SYT9: variants seen among roughly 807,000 people sequenced by gnomAD.
SYT9 encodes synaptotagmin-9.
Under a neutral mutation model 48.4 loss-of-function variants are expected in SYT9, and 22 were observed. The ratio of observed to expected loss-of-function variants is 0.45; its 90% CI spans 0.32 to 0.65. The LOEUF is 0.65. Ranked by LOEUF, SYT9 falls within the 30% of genes least tolerant of loss-of-function variation. The pLI, the probability that SYT9 is intolerant of heterozygous loss-of-function variation, is 0.03. For missense variants in SYT9, 577 were observed against 622.0 expected, an observed-to-expected ratio of 0.93 and a Z score of 0.77; for synonymous variants, 265 against 245.0, an observed-to-expected ratio of 1.08 and a Z score of -0.76.
intron 6 of SYT9, among the ~76,000 whole-genome samples, chr11:7,461,681 T>G (rs996551719): frequency 2.0e-5 from 3 of 152,238 alleles, no homozygotes; most frequent in Admixed American, 2.0e-4. Context: ...CATAACTTTG[T>G]TTTCTTAGGG....
chr11:7,463,778 T>C (rs1206748726), intron 6 of SYT9, among the ~76,000 whole-genome samples: 1 of 152,174 alleles, frequency 6.6e-6, no homozygotes, highest in Non-Finnish European at 1.5e-5. Context: ...AGTGAAGGGC[T>C]GCACCTTAAG....
intron 3 of SYT9, among the ~76,000 whole-genome samples, chr11:7,395,154 A>T (rs1212821980): frequency 4.6e-5 from 7 of 152,070 alleles, no homozygotes; most frequent in African/African-American, 1.7e-4. Context: ...GCAGTCTCTT[A>T]TCCCTCACCC....
chr11:7,247,690 A>G (rs1444423738), upstream of SYT9, among the ~76,000 whole-genome samples: 1 of 149,018 alleles, frequency 6.7e-6, no homozygotes, highest in African/African-American at 2.5e-5. Flanking sequence ...GTGTGTATAT[A>G]TATATATATA....
At chr11:7,464,484 T>G (rs1376727858) in intron 6 of SYT9, among the ~76,000 whole-genome samples, 6 of 152,208 alleles carry the variant, frequency 3.9e-5, no homozygotes. Flanking sequence ...TGTGGCCTTG[T>G]GCAAATTAGT....
chr11:7,385,208 A>G (rs1850634457), intron 3 of SYT9, among the ~76,000 whole-genome samples: 1 of 152,058 alleles, frequency 6.6e-6, no homozygotes, highest in Non-Finnish European at 1.5e-5. Flanking sequence ...AGAGTAAATA[A>G]TTTTTGCCTG....
intron 3 of SYT9, among the ~76,000 whole-genome samples, chr11:7,376,613 T>C (rs962203794): frequency 1.3e-5 from 2 of 152,098 alleles, no homozygotes; most frequent in Non-Finnish European, 2.9e-5. Context: ...CTTGGGCTGT[T>C]ACCAAGAAGT....
chr11:7,260,224 A>T lies in SYT9; in HGVS notation c.145+7893A>T, dbSNP rs530200548. On this transcript the variant is annotated intron_variant, in intron 1 of 6. Coordinates refer to ENST00000318881, the MANE Select transcript of SYT9 (RefSeq NM_175733.4). ...ATAAAACAATAATGGCAATTAATAA[A>T]ATCAAGAAGGGAGATATCTACTGGA... Among the ~76,000 whole-genome samples the T allele has an allele frequency of 1.1e-3, 163 of 152,346 alleles. 2 individuals carry two copies. The highest frequency in any genetic ancestry group is 3.8e-3 in the African/African-American group (158 of 41,584).
At chr11:7,287,356 G>C (rs1210404701) in intron 1 of SYT9, among the ~76,000 whole-genome samples, 1 of 152,184 alleles carries the variant, frequency 6.6e-6, no homozygotes, top group Non-Finnish European at 1.5e-5. Flanking sequence ...CCCATGATAT[G>C]TGGGGATTAT....
chr11:7,448,835 C>T (rs756903894), intron 6 of SYT9, among the ~76,000 whole-genome samples: 8 of 152,076 alleles, frequency 5.3e-5, no homozygotes, highest in Non-Finnish European at 8.8e-5. Context: ...CGTGGCTTCA[C>T]GGTGGATGGG....
In SYT9 at chr11:7,467,372, C is replaced by T. The variant is rs1446022820; in HGVS notation, c.*572C>T. 1 of 152,624 alleles carries T rather than the reference C, an allele frequency of 6.6e-6. No individual in the cohort carries two copies. Among genetic ancestry groups the T allele is most frequent in the East Asian group, 1.9e-4 (1 of 5,188 alleles). 9.5% of individuals were successfully genotyped at this position (152,624 alleles called of 1,614,324 possible). On this transcript the variant is annotated 3_prime_UTR_variant, in exon 7 of 7. Transcript: ENST00000318881. ...GAATACCAAGACAAGCAGGCTGTTC[C>T]CTGGAAAAAATCTAATGCAAGGAGG...
intron 1 of SYT9, among the ~76,000 whole-genome samples, chr11:7,253,624 G>A (rs887868307): frequency 2.6e-5 from 4 of 152,004 alleles, no homozygotes; most frequent in African/African-American, 4.8e-5. Flanking sequence ...TTCCATTGCC[G>A]GTGGTTATAT....
At chr11:7,386,411 T>C (rs1850658363) in intron 3 of SYT9, among the ~76,000 whole-genome samples, 1 of 150,748 alleles carries the variant, frequency 6.6e-6, no homozygotes, top group African/African-American at 2.4e-5. Flanking sequence ...GACAAAGGGC[T>C]AATATCCAGA....
chr11:7,313,667 A>ATCCT lies in SYT9; in HGVS notation c.772_775dup (p.Tyr259SerfsTer10), dbSNP rs1243887989. On this transcript the variant is annotated frameshift_variant, in exon 3 of 7. Transcript: ENST00000318881. LOFTEE classifies it high-confidence loss of function. ...GCCAAGGACTTTTCTGGGACTTCAG[A>ATCCT]TCCTTATGTCAAGATCTATTTGCTT... The ATCCT allele has an allele frequency of 2.5e-6, 4 of 1,614,086 alleles. No individual in the cohort carries two copies. The Admixed American group carries it at 6.7e-5, about 27-fold the overall frequency.
chr11:7,420,413 C>A, intron 5 of SYT9, 93 bp from the exon 6 acceptor site: 1 of 1,479,758 alleles, frequency 6.8e-7, no homozygotes, highest in Non-Finnish European at 9.2e-7. Context: ...AACAAAAAAC[C>A]ACATCCCCAA....
intron 3 of SYT9, among the ~76,000 whole-genome samples, chr11:7,323,580 T>C (rs1407613001): frequency 6.6e-6 from 1 of 152,074 alleles, no homozygotes; most frequent in African/African-American, 2.4e-5. Flanking sequence ...AAGTAGGACA[T>C]TGGCTATAGA....
chr11:7,445,765 A>C (rs1307465250), intron 6 of SYT9, among the ~76,000 whole-genome samples: 1 of 152,134 alleles, frequency 6.6e-6, no homozygotes, highest in Non-Finnish European at 1.5e-5. Flanking sequence ...CAATTTTTCT[A>C]ATAGACAGGA....
intron 3 of SYT9, among the ~76,000 whole-genome samples, chr11:7,315,334 G>A (rs1308816737): frequency 6.6e-6 from 1 of 152,190 alleles, no homozygotes; most frequent in Non-Finnish European, 1.5e-5. Context: ...ACATGAGAAG[G>A]TTTAAAGAAA....
At chr11:7,331,585 A>G (rs964435524) in intron 3 of SYT9, among the ~76,000 whole-genome samples, 3 of 152,082 alleles carry the variant, frequency 2.0e-5, no homozygotes, top group Non-Finnish European at 4.4e-5. Flanking sequence ...TTAGCCAGAC[A>G]TGGTGGCGGG....
At chr11:7,416,384 C>G (rs1021980640) in intron 4 of SYT9, among the ~76,000 whole-genome samples, 1 of 152,134 alleles carries the variant, frequency 6.6e-6, no homozygotes, top group African/African-American at 2.4e-5. Context: ...GCTCACCGGG[C>G]TGTTGTAAAA....
Sources: allele counts gnomAD v4.1 joint callset (sites outside exome capture counted in the v4.1 genomes callset), GRCh38; gene constraint gnomAD v4.1.1; transcripts MANE v1.5; gene names NCBI Gene and HGNC (gene_info 2026-07-23, HGNC 2026-07-21).